Variants in NEBL observed in about 807,000 individuals in gnomAD.
The protein encoded by NEBL is LIM and SH3 protein 2.
In NEBL, 122 loss-of-function variants were observed where a neutral mutation model predicts 140.2. The observed-to-expected ratio is 0.87, with a 90% CI of 0.75 to 1.01. NEBL has a LOEUF of 1.01. NEBL is among the 50% of genes least tolerant of loss of function. The pLI, the probability that NEBL is intolerant of heterozygous loss-of-function variation, is 0.00. For synonymous variants in NEBL, 436 were observed against 398.9 expected (o/e 1.09, Z -1.11); for missense variants, 1,365 against 1,231.3 (o/e 1.11, Z -1.62).
Position 20,902,562 on chromosome 10 carries a change from G to A in NEBL, c.357+59110C>T, listed in dbSNP as rs114390265. Among the ~76,000 whole-genome samples the A allele has an allele frequency of 2.0e-3, 299 of 152,292 alleles. 1 individual carries two copies. The highest frequency in any genetic ancestry group is 6.6e-3 in the African/African-American group (276 of 41,558). On this transcript the variant is annotated intron_variant, in intron 4 of 6. Transcript: ENST00000417816. ...ATAGTATGGGGCACAACAATTTCCAGGTTGGGTGTGGTGGGGAAGCCCAAA... is the reference window on the plus strand; with the variant it reads ...ATAGTATGGGGCACAACAATTTCCAAGTTGGGTGTGGTGGGGAAGCCCAAA...
In NEBL at chr10:21,173,485, C is replaced by T. The variant is rs1342468465; in HGVS notation, c.69+280G>A. Reference sequence around the variant, plus strand: ...TGCCCAGCCTGGTCCCTCCGGGGTCCGGGGCTGCGCACCGCCGTGCGCCCT... The same window carrying T: ...TGCCCAGCCTGGTCCCTCCGGGGTCTGGGGCTGCGCACCGCCGTGCGCCCT... On this transcript the variant is annotated intron_variant, in intron 1 of 6. Coordinates refer to the NEBL transcript ENST00000417816. The surrounding 1 kb of genome is among the most constrained non-coding windows in gnomAD (Gnocchi z 5.7). 3.9e-5 allele frequency among the ~76,000 whole-genome samples: 6 copies of T among 152,004 alleles called. No homozygotes were observed. In the East Asian group the frequency reaches 1.2e-3, roughly 30 times the overall value.
chr10:20,819,474 T>C lies in NEBL; in HGVS notation c.2005A>G (p.Met669Val). 1.9e-6 allele frequency: 3 copies of C among 1,614,092 alleles called. No individual in the cohort carries two copies. The highest frequency in any genetic ancestry group is 2.5e-6 in the Non-Finnish European group (3 of 1,179,952). Reference sequence around the variant, plus strand: ...CTCACTCTCTCTATCTCCGGGGTCATGCTTACCGGAGTGGCCTTGTAGTTT... The same window carrying C: ...CTCACTCTCTCTATCTCCGGGGTCACGCTTACCGGAGTGGCCTTGTAGTTT... ...EQNYKATPVSMTPEIERVRRN... is the reference protein window; with the variant it reads ...EQNYKATPVSVTPEIERVRRN... Residue 669 changes from methionine to valine, a missense_variant, in exon 20 of 28, where the codon ATG (methionine) becomes GTG (valine). Met to Val is a conservative substitution (Grantham distance 21). This residue lies in a region of NEBL where 1,323 missense variants were observed against 1,154.8 expected (regional missense o/e 1.15). Coordinates refer to ENST00000377122, the MANE Select transcript of NEBL (RefSeq NM_006393.3).
At chr10:21,157,980 G>C (rs1407703550) in intron 2 of NEBL, among the ~76,000 whole-genome samples, 3 of 152,196 alleles carry the variant, frequency 2.0e-5, no homozygotes, top group Non-Finnish European at 4.4e-5. Flanking sequence ...GCCTGAAACA[G>C]AGTCTTCCCT....
intron 2 of NEBL, among the ~76,000 whole-genome samples, chr10:21,085,562 G>C (rs1564505807): frequency 6.6e-6 from 1 of 152,192 alleles, no homozygotes; most frequent in Non-Finnish European, 1.5e-5. Context: ...TTGAGCCCAA[G>C]AGTTAGAGGC....
intron 4 of NEBL, among the ~76,000 whole-genome samples, chr10:20,882,474 T>C (rs1474292643): frequency 6.6e-6 from 1 of 152,142 alleles, no homozygotes; most frequent in Non-Finnish European, 1.5e-5. Context: ...GAGAAAGTTT[T>C]TACCAATATG....
At position 21,276,842 on chromosome 10, in the gene NEBL, G is replaced by A. The variant is rs979413405; in HGVS notation, n.182+15988C>T. Among the ~76,000 whole-genome samples, 6 of 152,114 alleles carry A rather than the reference G, an allele frequency of 3.9e-5. No individual in the cohort carries two copies. The East Asian group carries it at 5.8e-4, about 15-fold the overall frequency. On this transcript the variant is annotated intron_variant and non_coding_transcript_variant, in intron 1 of 8. Transcript: ENST00000675702. ...AAATTAGCCAACAGTGATGGCAGGC[G>A]CTGGTAATCCCAGCTACTTGTGAAG...
At position 21,113,545 on chromosome 10, in the gene NEBL, C is replaced by T. The variant is rs1401011051; in HGVS notation, c.164+58838G>A. Reference sequence around the variant, plus strand: ...TTGTTAAAAATTTTCCATCTTATTTCGTTTCTGTAACAGATGATATCTGGC... The same window carrying T: ...TTGTTAAAAATTTTCCATCTTATTTTGTTTCTGTAACAGATGATATCTGGC... On this transcript the variant is annotated intron_variant, in intron 2 of 6. Coordinates refer to the NEBL transcript ENST00000417816. Among the ~76,000 whole-genome samples the T allele has an allele frequency of 2.0e-5, 3 of 152,032 alleles. No homozygotes were observed. In the South Asian group the frequency reaches 6.2e-4, roughly 31 times the overall value.
intron 2 of NEBL, among the ~76,000 whole-genome samples, chr10:21,066,971 CTTTTTTT>C (rs56352671): frequency 2.7e-5 from 3 of 112,832 alleles, no homozygotes; most frequent in Non-Finnish European, 5.2e-5. Flanking sequence ...AATAATTTAA[CTTTTTTT>C]TTTTTTTTTT....
intron 4 of NEBL, among the ~76,000 whole-genome samples, chr10:20,939,509 G>C (rs1206417006): frequency 6.6e-6 from 1 of 152,150 alleles, no homozygotes; most frequent in Non-Finnish European, 1.5e-5. Context: ...ATCGAGGCTA[G>C]GAAGAAACTG....
chr10:21,099,551 G>A (rs995646679), intron 2 of NEBL, among the ~76,000 whole-genome samples: 7 of 151,898 alleles, frequency 4.6e-5, no homozygotes, highest in African/African-American at 1.7e-4. Context: ...ATTTCATCTT[G>A]ACTTCCTTTA....
At chr10:20,838,793 C>T (rs1012944757) in intron 13 of NEBL, among the ~76,000 whole-genome samples, 6 of 152,060 alleles carry the variant, frequency 3.9e-5, no homozygotes, top group South Asian at 4.2e-4. Context: ...CAAGACCCTC[C>T]GCCAGTGAAA....
At chr10:21,021,918 A>G (rs1276289448) in intron 2 of NEBL, among the ~76,000 whole-genome samples, 1 of 152,196 alleles carries the variant, frequency 6.6e-6, no homozygotes, top group Non-Finnish European at 1.5e-5. Context: ...GAACAACCAC[A>G]CAAGGAGCCC....
In NEBL at chr10:21,090,758, C is replaced by T. The variant is rs75319006; in HGVS notation, c.165-70557G>A. ...ACCTGGTTTTGTCATTAGCCAGTTT[C>T]CTCCTGGCTCAGAAGGCACCACAGC... On this transcript the variant is annotated intron_variant, in intron 2 of 6. Coordinates refer to the NEBL transcript ENST00000417816. Among the ~76,000 whole-genome samples the T allele has an allele frequency of 7.7e-3, 1,176 of 152,208 alleles. 57 individuals carry two copies. The East Asian group carries it at 0.11, about 14-fold the overall frequency.
intron 1 of NEBL, among the ~76,000 whole-genome samples, chr10:21,256,835 T>A (rs1163874994): frequency 6.6e-6 from 1 of 152,224 alleles, no homozygotes; most frequent in Non-Finnish European, 1.5e-5. Context: ...CAAGACCCTG[T>A]CTAAAAATAA....
chr10:20,942,734 A>G (rs566669873), intron 4 of NEBL, among the ~76,000 whole-genome samples: 11 of 152,318 alleles, frequency 7.2e-5, no homozygotes, highest in African/African-American at 2.4e-4. Context: ...AACTTAAACA[A>G]TGTACAAGAA....
At chr10:21,115,640 G>A (rs1435552086) in intron 2 of NEBL, among the ~76,000 whole-genome samples, 1 of 151,988 alleles carries the variant, frequency 6.6e-6, no homozygotes, top group East Asian at 1.9e-4. Context: ...TGTGCATAAT[G>A]TCCTTTGTCT....
At chr10:21,291,367 G>A (rs892861875) in intron 1 of NEBL, among the ~76,000 whole-genome samples, 6 of 151,834 alleles carry the variant, frequency 4.0e-5, no homozygotes, top group African/African-American at 7.2e-5. Context: ...TTAGCCAGGC[G>A]TGGTGGTGCA....
intron 2 of NEBL, among the ~76,000 whole-genome samples, chr10:21,146,004 G>A (rs557741694): frequency 7.9e-5 from 12 of 152,058 alleles, no homozygotes; most frequent in East Asian, 5.8e-4. Flanking sequence ...CCCCCTCCTC[G>A]CCCCTGGAAC....
rs749047561 is a variant in NEBL, at chr10:20,890,035, T to G, written c.154-86A>C. ...TTGAATGATAATTAGGTTGATAAAG[T>G]CCATTTACTGAAGTAAATACTCAAG... On this transcript the variant is annotated intron_variant, in intron 2 of 27. Coordinates refer to ENST00000377122, the MANE Select transcript of NEBL (RefSeq NM_006393.3). 168 of 874,920 alleles carry G rather than the reference T, an allele frequency of 1.9e-4. No individual in the cohort carries two copies. The East Asian group carries it at 2.6e-3, about 14-fold the overall frequency. 54.2% of individuals were successfully genotyped at this position (874,920 alleles called of 1,614,324 possible).
Sources: allele counts gnomAD v4.1 joint callset (sites outside exome capture counted in the v4.1 genomes callset), GRCh38; gene constraint gnomAD v4.1.1; regional missense constraint gnomAD v4.1.1; non-coding constraint Gnocchi (gnomAD v3.1); transcripts MANE v1.5; gene names NCBI Gene and HGNC (gene_info 2026-07-23, HGNC 2026-07-21).